CTNNA3: variants seen among roughly 807,000 people sequenced by gnomAD.
CTNNA3 encodes catenin alpha-3.
CTNNA3 carries 76 observed loss-of-function variants against 95.7 expected under a neutral mutation model. The ratio of observed to expected loss-of-function variants is 0.79; its 90% confidence interval spans 0.66 to 0.96. CTNNA3 has a LOEUF of 0.96. Among genes scored for constraint, CTNNA3 ranks in the 40% least tolerant of loss-of-function variants. CTNNA3 has a pLI of 0.00. For missense variants in CTNNA3, 1,191 were observed against 1,089.8 expected (o/e 1.09, Z -1.31); for synonymous variants, 431 against 374.4 (o/e 1.15, Z -1.74).
At chr10:67,156,523 T>C (rs1020628375) in intron 7 of CTNNA3, among the ~76,000 whole-genome samples, 1 of 152,156 alleles carries the variant, frequency 6.6e-6, no homozygotes, top group African/African-American at 2.4e-5. Flanking sequence ...TTTAGATTTA[T>C]TCTTTAACTT....
chr10:67,208,378 C>CAAAAAAA (rs3056794), intron 6 of CTNNA3, among the ~76,000 whole-genome samples: 1 of 93,180 alleles, frequency 1.1e-5, no homozygotes, highest in Admixed American at 1.3e-4. Flanking sequence ...GACTCTGTCT[C>CAAAAAAA]AAAAAAAAAA....
chr10:66,628,711 A>C (rs1265548118), intron 9 of CTNNA3, among the ~76,000 whole-genome samples: 1 of 152,164 alleles, frequency 6.6e-6, no homozygotes, highest in African/African-American at 2.4e-5. Flanking sequence ...CCTTGGACAC[A>C]GTAGTAAGTA....
At chr10:66,508,752 A>G (rs1404201637) in intron 11 of CTNNA3, among the ~76,000 whole-genome samples, 2 of 152,106 alleles carry the variant, frequency 1.3e-5, no homozygotes, top group Non-Finnish European at 2.9e-5. Flanking sequence ...TTCCATGTGT[A>G]TATATACCAC....
chr10:66,831,292 A>G (rs1842711655), intron 7 of CTNNA3, among the ~76,000 whole-genome samples: 1 of 152,080 alleles, frequency 6.6e-6, no homozygotes, highest in African/African-American at 2.4e-5. Context: ...TAAGCTTGTG[A>G]TCCTTCAATC....
chr10:67,194,418 A>C (rs982717759), intron 6 of CTNNA3, among the ~76,000 whole-genome samples: 1 of 152,060 alleles, frequency 6.6e-6, no homozygotes, highest in African/African-American at 2.4e-5. Flanking sequence ...AAAGACATAG[A>C]GGAAACTTAA....
chr10:66,376,808 C>T (rs901835415), intron 12 of CTNNA3, among the ~76,000 whole-genome samples: 24 of 152,090 alleles, frequency 1.6e-4, no homozygotes. Context: ...ACTATTAAGG[C>T]CTCATAACAC....
chr10:66,691,361 C>A (rs979105716), intron 9 of CTNNA3, among the ~76,000 whole-genome samples: 5 of 152,148 alleles, frequency 3.3e-5, no homozygotes, highest in Non-Finnish European at 7.3e-5. Flanking sequence ...TCATTGCTGG[C>A]ACAGCAGACT....
chr10:66,612,802 A>C (rs551268575), intron 10 of CTNNA3, among the ~76,000 whole-genome samples: 2 of 152,066 alleles, frequency 1.3e-5, no homozygotes, highest in South Asian at 4.2e-4. Context: ...TATTTTCCCA[A>C]ATGTGCAAAT....
intron 7 of CTNNA3, among the ~76,000 whole-genome samples, chr10:66,953,535 A>T (rs557363048): frequency 4.9e-4 from 74 of 152,276 alleles, no homozygotes; most frequent in African/African-American, 1.6e-3. Context: ...CTTTGCTTGA[A>T]ACAGTCTTAC....
At chr10:67,144,448 C>T (rs1022248005) in intron 7 of CTNNA3, among the ~76,000 whole-genome samples, 12 of 152,206 alleles carry the variant, frequency 7.9e-5, no homozygotes, top group African/African-American at 2.7e-4. Flanking sequence ...ACATCTTCTT[C>T]CAACAGAAGA....
intron 13 of CTNNA3, among the ~76,000 whole-genome samples, chr10:66,184,292 C>T (rs1327749068): frequency 6.6e-6 from 1 of 152,104 alleles, no homozygotes. Flanking sequence ...GAGCAAGACT[C>T]TGTCTCAAAA....
chr10:67,708,930 C>A (rs947663855), intron 1 of CTNNA3, among the ~76,000 whole-genome samples: 1 of 151,654 alleles, frequency 6.6e-6, no homozygotes, highest in Non-Finnish European at 1.5e-5. Context: ...TAGTTACTAA[C>A]TACAAACTGA....
At chr10:66,919,902 C>T (rs1339534529) in intron 7 of CTNNA3, among the ~76,000 whole-genome samples, 1 of 152,156 alleles carries the variant, frequency 6.6e-6, no homozygotes, top group Non-Finnish European at 1.5e-5. Context: ...GGGTCACAAA[C>T]ATTAAACTCT....
chr10:66,055,967 A>G (rs2080078772), intron 15 of CTNNA3, among the ~76,000 whole-genome samples: 1 of 151,180 alleles, frequency 6.6e-6, no homozygotes, highest in Non-Finnish European at 1.5e-5. Context: ...ATCATCTGCA[A>G]GCAAGGATAA....
intron 13 of CTNNA3, among the ~76,000 whole-genome samples, chr10:66,106,690 C>T (rs1303744559): frequency 6.6e-6 from 1 of 152,066 alleles, no homozygotes; most frequent in Non-Finnish European, 1.5e-5. Flanking sequence ...CTTCTTTCTC[C>T]ACTACCTTAT....
At chr10:66,077,702 AG>A (rs989464164) in intron 14 of CTNNA3, among the ~76,000 whole-genome samples, 2 of 129,358 alleles carry the variant, frequency 1.5e-5, no homozygotes, top group African/African-American at 6.7e-5. Context: ...ATCTGTATGG[AG>A]CCCCTAAAAC....
chr10:66,012,603 T>C (rs1330043474), intron 15 of CTNNA3, among the ~76,000 whole-genome samples: 1 of 152,196 alleles, frequency 6.6e-6, no homozygotes, highest in East Asian at 1.9e-4. Context: ...TGAATCATGA[T>C]ATTTCACAAT....
intron 6 of CTNNA3, among the ~76,000 whole-genome samples, chr10:67,188,262 C>A (rs1862956473): frequency 6.6e-6 from 1 of 152,110 alleles, no homozygotes; most frequent in Non-Finnish European, 1.5e-5. Context: ...TTGGGAGGCA[C>A]AGATGAGCCA....
intron 9 of CTNNA3, among the ~76,000 whole-genome samples, chr10:66,751,473 G>A (rs1839136936): frequency 1.3e-5 from 2 of 152,004 alleles, no homozygotes; most frequent in Admixed American, 1.3e-4. Context: ...TCCCAACCTA[G>A]GACTTTTTAG....
Sources: allele counts gnomAD v4.1 joint callset (sites outside exome capture counted in the v4.1 genomes callset), GRCh38; gene constraint gnomAD v4.1.1; transcripts MANE v1.5; gene names NCBI Gene and HGNC (gene_info 2026-07-23, HGNC 2026-07-21).